Variants in CRTC3 observed in about 807,000 individuals in gnomAD.
CRTC3 encodes the protein CREB-regulated transcription coactivator 3.
A neutral mutation model predicts 74.5 loss-of-function variants in CRTC3; 26 were observed. The observed-to-expected ratio is 0.35, with a 90% CI of 0.26 to 0.48. The LOEUF (loss-of-function observed/expected upper bound fraction) is 0.48. Among genes scored for constraint, CRTC3 ranks in the 20% least tolerant of loss-of-function variants. The pLI, the probability that CRTC3 is intolerant of heterozygous loss-of-function variation, is 0.99. For missense variants in CRTC3, 760 were observed against 787.3 expected, an observed-to-expected ratio of 0.97 and a Z score of 0.41; for synonymous variants, 377 against 325.8, an observed-to-expected ratio of 1.16 and a Z score of -1.69.
rs1232102429 is a variant in CRTC3, at chr15:90,638,782, G to A, written c.1515G>A (p.Gln505=). Residue 505 remains glutamine, a synonymous_variant, in exon 13 of 15, where the codon CAG becomes CAA. Transcript: ENST00000268184. ...TCCCAGATGTGGGTTTTGACCAGCA[G>A]TCCATGAGGCCAGGCCCTGCCTTTC... is the stretch of plus-strand genomic sequence containing the variant. ...NFFPDVGFDQ[Q]SMRPGPAFPQ... 1 of 1,614,172 alleles carries A rather than the reference G, an allele frequency of 6.2e-7. No homozygotes were observed. Among genetic ancestry groups the A allele is most frequent in the South Asian group, 1.1e-5 (1 of 91,082 alleles).
chr15:90,644,857 G>C lies in CRTC3; in HGVS notation c.*2717G>C, dbSNP rs1260035303. 1 of 232,056 alleles carries C rather than the reference G, an allele frequency of 4.3e-6. No individual in the cohort carries two copies. Among genetic ancestry groups the C allele is most frequent in the Non-Finnish European group, 8.5e-6 (1 of 117,398 alleles). The allele number at this position is 232,056 out of a possible 1,614,324, so 14.4% of individuals were successfully genotyped here. A position where few individuals can be genotyped will look rare whatever the true frequency, so the allele number is the denominator to read the frequency against. The stretch of plus-strand genomic sequence containing the variant: ...TTATTTAGTTTTGTCACAAGAAATC[G>C]ACCATTGTACTACTCTCACTTACAG... On this transcript the variant is annotated 3_prime_UTR_variant, in exon 15 of 15. Coordinates refer to ENST00000268184, the MANE Select transcript of CRTC3 (RefSeq NM_022769.5).
chr15:90,637,529 T>C (rs1169502567), intron 11 of CRTC3, among the ~76,000 whole-genome samples: 1 of 152,054 alleles, frequency 6.6e-6, no homozygotes, highest in Non-Finnish European at 1.5e-5. Flanking sequence ...GTTGTGCACA[T>C]GTACCCTAGA....
chr15:90,641,197 C>T lies in CRTC3; in HGVS notation c.1649C>T (p.Pro550Leu). The T allele has an allele frequency of 1.2e-6, 2 of 1,605,008 alleles. No homozygotes were observed. Among genetic ancestry groups the T allele is most frequent in the Non-Finnish European group, 8.5e-7 (1 of 1,172,076 alleles). Reference sequence around the variant, plus strand: ...GGGAGTCTCCCGAACACCATCCTGCCAGGTGAGCGAGCTATCCCTCAGCTT... The same window carrying T: ...GGGAGTCTCCCGAACACCATCCTGCTAGGTGAGCGAGCTATCCCTCAGCTT... The part of the protein sequence containing the change: ...NCGSLPNTIL[P>L]EDSSTSLFKD... Residue 550 changes from proline to leucine, a missense_variant and splice_region_variant, in exon 14 of 15, where the codon CCA (proline) becomes CTA (leucine). Physicochemically the swap from Pro to Leu is moderately conservative, Grantham distance 98. Around this residue, in one of 2 missense-constraint regions of CRTC3, gnomAD observed 652 missense variants for 635.2 expected, o/e 1.03. Transcript: ENST00000268184.
chr15:90,617,865 C>CA lies in CRTC3; in HGVS notation c.614-18_614-17insA. 6.5e-7 allele frequency: 1 copy of CA among 1,544,498 alleles called. No individual in the cohort carries two copies. The highest frequency in any genetic ancestry group is 8.9e-7 in the Non-Finnish European group (1 of 1,120,136). On this transcript the variant is annotated splice_polypyrimidine_tract_variant and intron_variant, in intron 7 of 14. Coordinates refer to ENST00000268184, the MANE Select transcript of CRTC3 (RefSeq NM_022769.5). The stretch of plus-strand genomic sequence containing the variant: ...GCCTTCTCATGCAATGACTGTGCTG[C>CA]TTTTTTTTTCCCTTTAGTAGCATCT...
intron 2 of CRTC3, among the ~76,000 whole-genome samples, chr15:90,540,793 AT>A (rs1352307772): frequency 3.3e-5 from 5 of 152,312 alleles, no homozygotes; most frequent in African/African-American, 1.2e-4. Context: ...AAATAAAAAA[AT>A]AAATATTTAA....
intron 2 of CRTC3, among the ~76,000 whole-genome samples, chr15:90,566,649 A>T (rs1196427864): frequency 6.6e-6 from 1 of 151,894 alleles, no homozygotes; most frequent in Non-Finnish European, 1.5e-5. Flanking sequence ...GTTATCCAGA[A>T]GATCTGGCTG....
At chr15:90,586,719 A>G (rs192065171) in intron 2 of CRTC3, among the ~76,000 whole-genome samples, 60 of 152,312 alleles carry the variant, frequency 3.9e-4, no homozygotes, top group African/African-American at 1.4e-3. Flanking sequence ...TTAGAAACCC[A>G]TATTTCACTT....
At position 90,642,083 on chromosome 15, in the gene CRTC3, C is replaced by T. The variant is rs751828270; in HGVS notation, c.1803C>T (p.Ser601=). The change falls in exon 15 of 15, where the codon TCC becomes TCT. Residue 601 remains serine, a synonymous_variant. Transcript: ENST00000268184. ...SLDGLNMLSD[S]SMGLLDPSVE... The stretch of plus-strand genomic sequence containing the variant: ...ACGGACTCAACATGTTAAGTGACTC[C>T]AGCATGGGCCTGCTGGACCCCTCTG... The T allele has an allele frequency of 1.9e-6, 3 of 1,613,944 alleles. No homozygotes were observed. The highest frequency in any genetic ancestry group is 2.5e-6 in the Non-Finnish European group (3 of 1,180,036).
chr15:90,628,729 C>T (rs749689714), intron 10 of CRTC3, among the ~76,000 whole-genome samples: 5 of 151,910 alleles, frequency 3.3e-5, no homozygotes, highest in Non-Finnish European at 5.9e-5. Flanking sequence ...GGGAAGTGTC[C>T]CTTCCTGTGA....
intron 3 of CRTC3, among the ~76,000 whole-genome samples, chr15:90,601,521 C>T (rs1045148902): frequency 1.2e-4 from 18 of 151,934 alleles, no homozygotes; most frequent in Non-Finnish European, 1.3e-4. Flanking sequence ...GGTGTGGTGG[C>T]GCATGCCTGT....
At chr15:90,586,362 C>CTTTTTTT (rs55985691) in intron 2 of CRTC3, among the ~76,000 whole-genome samples, 3 of 81,234 alleles carry the variant, frequency 3.7e-5, no homozygotes, top group Admixed American at 1.5e-4. Flanking sequence ...GGTAGAACTT[C>CTTTTTTT]TTTTTTTTTT....
intron 2 of CRTC3, among the ~76,000 whole-genome samples, chr15:90,558,517 C>A (rs1017197434): frequency 6.6e-6 from 1 of 152,140 alleles, no homozygotes; most frequent in Non-Finnish European, 1.5e-5. Flanking sequence ...ATGCCAGCCA[C>A]ACTGGCCTTT....
intron 4 of CRTC3, among the ~76,000 whole-genome samples, chr15:90,603,237 A>G (rs1427794491): frequency 1.3e-5 from 2 of 150,998 alleles, no homozygotes; most frequent in South Asian, 2.1e-4. Context: ...AGCTCAGGAG[A>G]TCGAGACCAT....
Position 90,564,069 on chromosome 15 carries a change from CTA to C in CRTC3, c.231+23934_231+23935del, listed in dbSNP as rs562626314. Among the ~76,000 whole-genome samples the C allele has an allele frequency of 1.8e-3, 281 of 152,284 alleles. 2 individuals are homozygous for C. The highest frequency in any genetic ancestry group is 6.5e-3 in the African/African-American group (270 of 41,562). ...CCCAGAGTAGGTACTATTACTGTCT[CTA>C]TTTACAGGGAAGACTGTGGAGGCCA... On this transcript the variant is annotated intron_variant, in intron 2 of 14. Transcript: ENST00000268184.
chr15:90,601,199 G>A (rs1348001843), intron 3 of CRTC3, among the ~76,000 whole-genome samples: 1 of 152,200 alleles, frequency 6.6e-6, no homozygotes, highest in African/African-American at 2.4e-5. Context: ...TGCTCGGTGT[G>A]TAGTGCAGCA....
At chr15:90,597,615 G>A (rs892465047) in intron 3 of CRTC3, among the ~76,000 whole-genome samples, 5 of 152,166 alleles carry the variant, frequency 3.3e-5, no homozygotes, top group African/African-American at 4.8e-5. Flanking sequence ...GAGCCTGACC[G>A]TATATATCAG....
At chr15:90,574,514 C>T (rs143037321) in intron 2 of CRTC3, among the ~76,000 whole-genome samples, 287 of 152,144 alleles carry the variant, frequency 1.9e-3, no homozygotes, top group Non-Finnish European at 3.5e-3. Context: ...CTTCAATGAA[C>T]AACATTATGC....
chr15:90,548,150 A>C (rs1395224991), intron 2 of CRTC3, among the ~76,000 whole-genome samples: 1 of 132,904 alleles, frequency 7.5e-6, no homozygotes, highest in Non-Finnish European at 1.8e-5. Context: ...TGGCCTCCCA[A>C]AGTGGTAGGA....
chr15:90,619,897 T>C (rs1968596894), intron 9 of CRTC3, 107 bp downstream of exon 9: 1 of 903,774 alleles, frequency 1.1e-6, no homozygotes, highest in Non-Finnish European at 1.8e-6. Flanking sequence ...TTGCTATGCA[T>C]AAATTGAAAG....
Sources: gnomAD v4.1 joint callset for allele counts (sites outside exome capture counted in the v4.1 genomes callset) on GRCh38, gnomAD v4.1.1 for gene constraint, gnomAD v4.1.1 regional missense constraint, MANE v1.5 for transcripts, NCBI Gene and HGNC (gene_info 2026-07-23, HGNC 2026-07-21) for gene names.